SLC22A15: variants seen among roughly 807,000 people sequenced by gnomAD.
The protein encoded by SLC22A15 is solute carrier family 22 member 15, also known as flipt 1.
SLC22A15 carries 45 observed loss-of-function variants against 62.7 expected under a neutral mutation model. The observed-to-expected ratio is 0.72, with a 90% CI of 0.56 to 0.92. The LOEUF (loss-of-function observed/expected upper bound fraction) is 0.92. Among genes scored for constraint, SLC22A15 ranks in the 40% least tolerant of loss-of-function variants. SLC22A15 has a pLI of 0.00. For missense variants in SLC22A15, 622 were observed against 665.6 expected, an observed-to-expected ratio of 0.93 and a Z score of 0.72; for synonymous variants, 264 against 267.0, an observed-to-expected ratio of 0.99 and a Z score of 0.11.
chr1:115,987,012 G>A (rs1035671767), intron 1 of SLC22A15, among the ~76,000 whole-genome samples: 2 of 152,166 alleles, frequency 1.3e-5, no homozygotes, highest in Non-Finnish European at 2.9e-5. Context: ...GGCTGGTAGA[G>A]GAAGCTTGAA....
chr1:116,008,035 G>A (rs1656071795), intron 2 of SLC22A15, among the ~76,000 whole-genome samples: 1 of 152,184 alleles, frequency 6.6e-6, no homozygotes, highest in Non-Finnish European at 1.5e-5. Context: ...CTCTGCCTGG[G>A]CCCCTTGGCT....
intron 2 of SLC22A15, among the ~76,000 whole-genome samples, chr1:116,017,182 T>A (rs1475425839): frequency 6.6e-6 from 1 of 151,824 alleles, no homozygotes; most frequent in Admixed American, 6.6e-5. Context: ...CTTGTCATCA[T>A]CCAGGTCACA....
At chr1:116,009,531 T>C (rs149038645) in intron 2 of SLC22A15, among the ~76,000 whole-genome samples, 2 of 152,336 alleles carry the variant, frequency 1.3e-5, no homozygotes, top group African/African-American at 4.8e-5. Flanking sequence ...AGGCAGCATG[T>C]TGGCATCAGT....
At chr1:115,994,171 AC>A (rs1655302080) in intron 2 of SLC22A15, among the ~76,000 whole-genome samples, 1 of 152,064 alleles carries the variant, frequency 6.6e-6, no homozygotes, top group Non-Finnish European at 1.5e-5. Flanking sequence ...TATAGCAACC[AC>A]CAGCCCCACC....
chr1:116,012,582 G>A (rs564981040), intron 2 of SLC22A15, among the ~76,000 whole-genome samples: 3 of 152,280 alleles, frequency 2.0e-5, no homozygotes, highest in African/African-American at 4.8e-5. Context: ...GACAGTAAGT[G>A]TAAATGATAC....
chr1:116,006,448 G>A (rs1407874363), intron 2 of SLC22A15, among the ~76,000 whole-genome samples: 1 of 152,182 alleles, frequency 6.6e-6, no homozygotes, highest in East Asian at 1.9e-4. Context: ...GAAATTGAAT[G>A]AAATGGCTTC....
At chr1:116,017,096 C>T (rs1021773171) in intron 2 of SLC22A15, among the ~76,000 whole-genome samples, 5 of 152,168 alleles carry the variant, frequency 3.3e-5, no homozygotes, top group Non-Finnish European at 7.4e-5. Flanking sequence ...ACCACCTCCA[C>T]TAGAGATACA....
intron 8 of SLC22A15, among the ~76,000 whole-genome samples, chr1:116,046,601 C>T (rs1281975969): frequency 6.6e-6 from 1 of 152,122 alleles, no homozygotes; most frequent in South Asian, 2.1e-4. Context: ...TGTGGAGGCT[C>T]GCATCATGAA....
chr1:115,985,870 C>T (rs535075641), intron 1 of SLC22A15, among the ~76,000 whole-genome samples: 6 of 144,916 alleles, frequency 4.1e-5, no homozygotes, highest in Admixed American at 7.3e-5. Flanking sequence ...TGCTTGAACC[C>T]GGGAGGCAGA....
chr1:115,986,976 A>G (rs1654901047), intron 1 of SLC22A15, among the ~76,000 whole-genome samples: 1 of 152,198 alleles, frequency 6.6e-6, no homozygotes, highest in South Asian at 2.1e-4. Flanking sequence ...CACACAGTGA[A>G]TAAGTCATGT....
In SLC22A15 at chr1:116,019,552, ATGTCTCTC is replaced by A; in HGVS notation, c.301-28_301-21del. On this transcript the variant is annotated intron_variant, in intron 2 of 11. Transcript: ENST00000369503. ...TTTTTAATAGCTAACTGAATCCTAC[ATGTCTCTC>A]TTTTGTTTTATCTTCCTCTAGTGGT... 3 of 1,572,388 alleles carry A rather than the reference ATGTCTCTC, an allele frequency of 1.9e-6. No individual in the cohort carries two copies. In the South Asian group the frequency reaches 3.6e-5, roughly 19 times the overall value.
At chr1:116,019,432 G>T in intron 2 of SLC22A15, 150 bp from the exon 3 acceptor site, 2 of 710,380 alleles carry the variant, frequency 2.8e-6, no homozygotes, top group Non-Finnish European at 2.3e-6. Context: ...CTGATTGGAC[G>T]TTGTCTGAGA....
At position 116,069,063 on chromosome 1, in the gene SLC22A15, T is replaced by C. The variant is rs1330874619; in HGVS notation, c.*1955T>C. On this transcript the variant is annotated 3_prime_UTR_variant, in exon 12 of 12. Coordinates refer to ENST00000369503, the MANE Select transcript of SLC22A15 (RefSeq NM_018420.3). ...GACTAATTGGGAGTCCATCTCTCTA[T>C]TGGCACTGGGTTCGATTGCCTCTGG... 6.6e-6 allele frequency: 1 copy of C among 152,186 alleles called. No individual in the cohort carries two copies. Among genetic ancestry groups the C allele is most frequent in the Non-Finnish European group, 1.5e-5 (1 of 68,020 alleles). The allele number at this position is 152,186 out of a possible 1,614,324, so 9.4% of individuals were successfully genotyped here.
Position 116,064,518 on chromosome 1 carries a change from T to C in SLC22A15, c.1365+10T>C. On this transcript the variant is annotated intron_variant, in intron 10 of 11. Coordinates refer to ENST00000369503, the MANE Select transcript of SLC22A15 (RefSeq NM_018420.3). Reference sequence around the variant, plus strand: ...CTTCATCCCCTCACTGGTTGGTTTGTACCTTCTAGTTTTGTTTTTCTTGAT... The same window carrying C: ...CTTCATCCCCTCACTGGTTGGTTTGCACCTTCTAGTTTTGTTTTTCTTGAT... 6.3e-7 allele frequency: 1 copy of C among 1,594,930 alleles called. No homozygotes were observed. The highest frequency in any genetic ancestry group is 8.6e-7 in the Non-Finnish European group (1 of 1,162,644).
intron 5 of SLC22A15, among the ~76,000 whole-genome samples, chr1:116,028,973 C>A (rs1490840553): frequency 1.3e-5 from 2 of 152,144 alleles, no homozygotes; most frequent in Non-Finnish European, 2.9e-5. Context: ...CACCCATACC[C>A]TTTGAGTGGC....
At chr1:116,054,223 A>G (rs1428601615) in intron 8 of SLC22A15, among the ~76,000 whole-genome samples, 13 of 152,074 alleles carry the variant, frequency 8.5e-5, no homozygotes, top group African/African-American at 3.1e-4. Context: ...TACCAAGCAA[A>G]TGGAAAACAA....
chr1:116,040,127 G>A (rs1254455963), intron 8 of SLC22A15, among the ~76,000 whole-genome samples: 1 of 152,132 alleles, frequency 6.6e-6, no homozygotes, highest in Non-Finnish European at 1.5e-5. Context: ...AGAAGCATTC[G>A]TGGAGACTGT....
rs959324012 is a variant in SLC22A15 at position 116,027,425 on chromosome 1, G to C, written c.728+403G>C. On this transcript the variant is annotated intron_variant, in intron 5 of 11. Transcript: ENST00000369503. ...TGTAGTGACAACTGTTCATCCTACA[G>C]ATTAGTGTCATTTCAGGGCCTCTAA... 20 of 491,612 alleles carry C rather than the reference G, an allele frequency of 4.1e-5. 1 individual carries two copies. Among genetic ancestry groups the C allele is most frequent in the Non-Finnish European group, 6.2e-5 (15 of 240,092 alleles). 30.5% of individuals were successfully genotyped at this position (491,612 alleles called of 1,614,324 possible).
chr1:116,046,534 A>G (rs1042199822), intron 8 of SLC22A15, among the ~76,000 whole-genome samples: 1 of 152,226 alleles, frequency 6.6e-6, no homozygotes, highest in Admixed American at 6.5e-5. Flanking sequence ...CAGGATCATC[A>G]TGGCGGACAG....
Sources: gnomAD v4.1 joint callset for allele counts (sites outside exome capture counted in the v4.1 genomes callset) on GRCh38, gnomAD v4.1.1 for gene constraint, MANE v1.5 for transcripts, NCBI Gene and HGNC (gene_info 2026-07-23, HGNC 2026-07-21) for gene names.